The following FER variants were observed in gnomAD, a reference collection of about 807,000 sequenced individuals.
The protein encoded by FER is tyrosine-protein kinase Fer.
FER carries 63 observed loss-of-function variants against 111.0 expected under a neutral mutation model. The ratio of observed to expected loss-of-function variants is 0.57; its 90% CI spans 0.46 to 0.70. The LOEUF (loss-of-function observed/expected upper bound fraction) is 0.70, where lower values mean the gene tolerates loss of function less well. FER is among the 30% of genes least tolerant of loss of function. The probability of loss-of-function intolerance (pLI) is 0.00; values close to 1 mark genes in which losing one functional copy is unlikely to be tolerated. For missense variants in FER, 914 were observed against 954.0 expected (o/e 0.96, Z 0.55); for synonymous variants, 327 against 313.9 (o/e 1.04, Z -0.44).
chr5:108,845,471 C>T (rs1222305959), intron 5 of FER, among the ~76,000 whole-genome samples: 7 of 151,992 alleles, frequency 4.6e-5, no homozygotes, highest in African/African-American at 1.2e-4. Flanking sequence ...CATGAGCCAC[C>T]GTGCCTGGCC....
chr5:109,014,419 C>G (rs561540117), intron 13 of FER, among the ~76,000 whole-genome samples: 4 of 152,152 alleles, frequency 2.6e-5, no homozygotes, highest in Non-Finnish European at 4.4e-5. Flanking sequence ...TCTGAGGGCT[C>G]TGTTCTGTTC....
intron 16 of FER, among the ~76,000 whole-genome samples, chr5:109,082,308 T>C (rs1029091857): frequency 7.9e-5 from 12 of 151,986 alleles, no homozygotes; most frequent in African/African-American, 2.9e-4. Context: ...GTACTCTCTT[T>C]TGTGGAAGAT....
At chr5:109,039,154 C>G (rs1341950419) in intron 14 of FER, among the ~76,000 whole-genome samples, 1 of 151,438 alleles carries the variant, frequency 6.6e-6, no homozygotes, top group East Asian at 1.9e-4. Context: ...GCCATGATTC[C>G]TATTGTTAGA....
intron 17 of FER, among the ~76,000 whole-genome samples, chr5:109,114,878 G>A (rs1258089746): frequency 6.6e-6 from 1 of 151,756 alleles, no homozygotes; most frequent in Non-Finnish European, 1.5e-5. Flanking sequence ...CCTATTGTTT[G>A]TATTATATCC....
chr5:109,096,166 T>A (rs1013222869), intron 16 of FER, among the ~76,000 whole-genome samples: 2 of 152,032 alleles, frequency 1.3e-5, no homozygotes, highest in Non-Finnish European at 2.9e-5. Flanking sequence ...GATCAAATTT[T>A]CACAGCACAG....
intron 13 of FER, chr5:109,015,047 C>T (rs1766878458): frequency 6.6e-6 from 1 of 151,952 alleles, no homozygotes. Context: ...TTGGTGTCTT[C>T]AGAAATAATT....
chr5:109,052,863 T>C (rs1466182116), intron 16 of FER, among the ~76,000 whole-genome samples: 1 of 152,182 alleles, frequency 6.6e-6, no homozygotes, highest in African/African-American at 2.4e-5. Context: ...CTAAAGGCTG[T>C]TTGCAGTGTG....
chr5:109,181,799 T>C (rs904257658), intron 18 of FER, among the ~76,000 whole-genome samples: 2 of 152,232 alleles, frequency 1.3e-5, no homozygotes, highest in African/African-American at 4.8e-5. Context: ...TGAACAATCA[T>C]TGGCATTTAG....
At chr5:108,768,803 C>T (rs1225307556) in intron 2 of FER, among the ~76,000 whole-genome samples, 2 of 151,454 alleles carry the variant, frequency 1.3e-5, no homozygotes, top group Admixed American at 1.3e-4. Context: ...AATAAATTGA[C>T]AAAACAATTA....
Position 108,831,559 on chromosome 5 carries a change from C to G in FER, c.208-1211C>G, listed in dbSNP as rs62363288. Among the ~76,000 whole-genome samples, 693 of 152,166 alleles carry G rather than the reference C, an allele frequency of 4.6e-3. 2 individuals carry two copies. The highest frequency in any genetic ancestry group is 7.0e-3 in the Non-Finnish European group (477 of 67,992). ...TGGGTTTATAGGCCGCACATATGTT[C>G]CATGTTCATCATATCATTTCACAAC... On this transcript the variant is annotated intron_variant, in intron 3 of 19. Coordinates refer to ENST00000281092, the MANE Select transcript of FER (RefSeq NM_005246.4).
intron 16 of FER, among the ~76,000 whole-genome samples, chr5:109,071,990 G>GT (rs1484208759): frequency 6.7e-6 from 1 of 149,804 alleles, no homozygotes; most frequent in African/African-American, 2.5e-5. Context: ...AATTTTGAGT[G>GT]TGCGTTATGT....
At chr5:108,799,882 G>A (rs145102360) in intron 3 of FER, among the ~76,000 whole-genome samples, 14 of 140,418 alleles carry the variant, frequency 1.0e-4, no homozygotes, top group African/African-American at 3.2e-4. Context: ...TCACTTTCTC[G>A]CCCAGGCTGG....
rs1764895044 is a variant in FER, at chr5:108,874,494, G to T, written c.923+2282G>T. On this transcript the variant is annotated intron_variant, in intron 8 of 19. Transcript: ENST00000281092. ...AGTTTAAGATTAGGGGTTTCTTCAA[G>T]AATTTTATTCCCAGAGAGTTATTCA... is the stretch of plus-strand genomic sequence containing the variant. 1.3e-5 allele frequency among the ~76,000 whole-genome samples: 2 copies of T among 151,990 alleles called. 1 individual carries two copies. The highest frequency in any genetic ancestry group is 2.9e-5 in the Non-Finnish European group (2 of 67,978).
chr5:108,802,983 C>G (rs1756837652), intron 3 of FER, among the ~76,000 whole-genome samples: 1 of 152,128 alleles, frequency 6.6e-6, no homozygotes, highest in Non-Finnish European at 1.5e-5. Flanking sequence ...GTTCCCGTCT[C>G]TCCACAACCT....
At chr5:108,855,216 G>T (rs771756284) in intron 5 of FER, among the ~76,000 whole-genome samples, 1 of 152,066 alleles carries the variant, frequency 6.6e-6, no homozygotes, top group Non-Finnish European at 1.5e-5. Flanking sequence ...AATGTTAATT[G>T]TCATTTAAAG....
intron 17 of FER, among the ~76,000 whole-genome samples, chr5:109,141,729 A>G (rs569448992): frequency 1.6e-4 from 24 of 152,274 alleles, no homozygotes; most frequent in African/African-American, 4.6e-4. Context: ...CTTCTGCTCA[A>G]ATTTCACTGA....
intron 13 of FER, among the ~76,000 whole-genome samples, chr5:109,023,497 A>G (rs540781261): frequency 8.5e-5 from 13 of 152,122 alleles, no homozygotes; most frequent in African/African-American, 3.1e-4. Context: ...CATGCTTCTT[A>G]TGTCTCAGAG....
chr5:108,786,562 G>A (rs1357826833), intron 2 of FER, among the ~76,000 whole-genome samples: 2 of 152,052 alleles, frequency 1.3e-5, no homozygotes, highest in African/African-American at 4.8e-5. Context: ...GTGCAGTGAT[G>A]CGAGGGGGGC....
intron 13 of FER, among the ~76,000 whole-genome samples, chr5:108,980,828 CA>C (rs1366273008): frequency 6.6e-6 from 1 of 152,026 alleles, no homozygotes; most frequent in Non-Finnish European, 1.5e-5. Flanking sequence ...TTTGAAGAAG[CA>C]AAAGAAACAA....
Sources: gnomAD v4.1 joint callset for allele counts (sites outside exome capture counted in the v4.1 genomes callset) on GRCh38, gnomAD v4.1.1 for gene constraint, MANE v1.5 for transcripts, NCBI Gene and HGNC (gene_info 2026-07-23, HGNC 2026-07-21) for gene names.